The following TENM2 variants were observed in gnomAD, a reference collection of about 807,000 sequenced individuals.
The protein encoded by TENM2 is teneurin-2.
A neutral mutation model predicts 245.2 loss-of-function variants in TENM2; 52 were observed. That is an observed-to-expected ratio of 0.21 (90% CI 0.17 to 0.27). The LOEUF is 0.27. Among genes scored for constraint, TENM2 ranks in the 10% least tolerant of loss-of-function variants. The pLI, the probability that TENM2 is intolerant of heterozygous loss-of-function variation, is 1.00. For missense variants in TENM2, 3,046 were observed against 3,666.8 expected (o/e 0.83, Z 4.37); for synonymous variants, 1,363 against 1,438.9 (o/e 0.95, Z 1.19).
intron 3 of TENM2, among the ~76,000 whole-genome samples, chr5:167,905,920 A>G (rs1052502461): frequency 6.6e-6 from 1 of 152,234 alleles, no homozygotes; most frequent in African/African-American, 2.4e-5. Context: ...AACATTAAGC[A>G]TAATTAGTGT....
At chr5:167,371,756 G>A (rs1347268625) in intron 1 of TENM2, among the ~76,000 whole-genome samples, 2 of 152,236 alleles carry the variant, frequency 1.3e-5, no homozygotes, top group East Asian at 3.9e-4. Context: ...GACTGTAAAT[G>A]TCATGGACTA....
At chr5:168,165,111 G>A (rs1288563516) in intron 13 of TENM2, 1 of 152,192 alleles carries the variant, frequency 6.6e-6, no homozygotes, top group Non-Finnish European at 1.5e-5. Flanking sequence ...ACTGATAGGA[G>A]TACACAATCA....
the TENM2 span, among the ~76,000 whole-genome samples, chr5:167,276,356 G>A: frequency 8.2e-3 from 119 of 14,488 alleles, 1 homozygote; most frequent in Admixed American, 0.04. Context: ...TTCATTTTGT[G>A]TGTGTGTGTG....
chr5:167,763,939 A>T (rs1458975501), intron 2 of TENM2, among the ~76,000 whole-genome samples: 1 of 151,936 alleles, frequency 6.6e-6, no homozygotes, highest in African/African-American at 2.4e-5. Flanking sequence ...ACTGACAAGC[A>T]ACTTATTACT....
Position 167,664,834 on chromosome 5 carries a change from C to A in TENM2, c.503-211152C>A, listed in dbSNP as rs569373216. 3.3e-5 allele frequency among the ~76,000 whole-genome samples: 5 copies of A among 152,228 alleles called. 1 individual carries two copies. In the South Asian group the frequency reaches 1.0e-3, roughly 32 times the overall value. ...TGATATTGTCCTCAAAGGGGGCATC[C>A]CTAACTGGGAAAGATCTATCATCCA... On this transcript the variant is annotated intron_variant, in intron 2 of 28. Coordinates refer to ENST00000518659, the Ensembl canonical transcript of TENM2.
chr5:167,978,224 A>G (rs902223619), intron 4 of TENM2, among the ~76,000 whole-genome samples: 4 of 152,206 alleles, frequency 2.6e-5, no homozygotes, highest in African/African-American at 9.6e-5. Flanking sequence ...AGCAACACAA[A>G]GTGTACTGAG....
intron 3 of TENM2, among the ~76,000 whole-genome samples, chr5:167,912,356 G>T (rs1241352987): frequency 6.6e-6 from 1 of 152,194 alleles, no homozygotes; most frequent in Non-Finnish European, 1.5e-5. Flanking sequence ...GTATTCTGTT[G>T]TGTATATATG....
Position 168,107,281 on chromosome 5 carries a change from C to T in TENM2, c.1813+9154C>T, listed in dbSNP as rs544627711. 1.1e-4 allele frequency among the ~76,000 whole-genome samples: 17 copies of T among 152,216 alleles called. No homozygotes were observed. In the South Asian group the frequency reaches 3.1e-3, roughly 28 times the overall value. On this transcript the variant is annotated intron_variant, in intron 9 of 28. Coordinates refer to ENST00000518659, the Ensembl canonical transcript of TENM2. ...TGTGGGAGCCACTGCCCTGCTCACT[C>T]GGCTACCAACCTCTCCATGATGGTA...
the TENM2 span, among the ~76,000 whole-genome samples, chr5:167,001,248 T>TA: frequency 1.6e-3 from 250 of 152,298 alleles, no homozygotes; most frequent in African/African-American, 5.7e-3. Flanking sequence ...TGGTTAAAAC[T>TA]ACTGAGGTTT....
At chr5:168,229,072 AT>A (rs1421149735) in intron 25 of TENM2, among the ~76,000 whole-genome samples, 3 of 148,566 alleles carry the variant, frequency 2.0e-5, no homozygotes, top group Non-Finnish European at 3.0e-5. Context: ...GTATAATTAT[AT>A]GTATAATTAT....
chr5:168,230,392 C>T lies in TENM2; in HGVS notation c.5520+2262C>T, dbSNP rs187136767. On this transcript the variant is annotated intron_variant, in intron 25 of 28. Transcript: ENST00000518659. Reference sequence around the variant, plus strand: ...GCATCTCATTTATTTTAATTCAGTTCGTAAACTGTTTAGTGAATGAAATGA... The same window carrying T: ...GCATCTCATTTATTTTAATTCAGTTTGTAAACTGTTTAGTGAATGAAATGA... 3.9e-5 allele frequency among the ~76,000 whole-genome samples: 6 copies of T among 152,248 alleles called. No homozygotes were observed. The East Asian group carries it at 1.2e-3, about 29-fold the overall frequency.
At chr5:168,211,800 G>T in intron 20 of TENM2, 46 bp downstream of exon 22, 1 of 1,227,274 alleles carries the variant, frequency 8.1e-7, no homozygotes, top group Non-Finnish European at 1.1e-6. Context: ...TGGTTCGTTT[G>T]CTTCCTTGTG....
chr5:168,102,319 C>T (rs1284354433), intron 9 of TENM2, among the ~76,000 whole-genome samples: 10 of 152,240 alleles, frequency 6.6e-5, no homozygotes, highest in East Asian at 3.9e-4. Flanking sequence ...GTGATCCACC[C>T]GCCTCAGCCT....
At chr5:168,003,800 A>G (rs1216504832) in intron 5 of TENM2, among the ~76,000 whole-genome samples, 1 of 152,228 alleles carries the variant, frequency 6.6e-6, no homozygotes, top group Non-Finnish European at 1.5e-5. Flanking sequence ...AAGGAAATTG[A>G]GTTTATAGAC....
chr5:167,168,980 C>G, the TENM2 span, among the ~76,000 whole-genome samples: 1 of 152,070 alleles, frequency 6.6e-6, no homozygotes, highest in African/African-American at 2.4e-5. Flanking sequence ...AGGATGGTCT[C>G]GATCTCCTGA....
chr5:167,166,204 C>G, the TENM2 span, among the ~76,000 whole-genome samples: 1 of 152,172 alleles, frequency 6.6e-6, no homozygotes, highest in Non-Finnish European at 1.5e-5. Context: ...TTGTTCAGCA[C>G]ACATACACAT....
chr5:167,556,664 T>C (rs1773280447), intron 2 of TENM2, among the ~76,000 whole-genome samples: 1 of 152,100 alleles, frequency 6.6e-6, no homozygotes, highest in Non-Finnish European at 1.5e-5. Context: ...AGTAGGTCAG[T>C]GGACTTTTCT....
At chr5:167,820,461 T>G (rs1448388837) in intron 2 of TENM2, among the ~76,000 whole-genome samples, 3 of 151,930 alleles carry the variant, frequency 2.0e-5, no homozygotes, top group Non-Finnish European at 4.4e-5. Flanking sequence ...TTTTATTGAG[T>G]GGTACTTTTG....
chr5:167,826,415 G>T (rs1272250535), intron 2 of TENM2, among the ~76,000 whole-genome samples: 1 of 152,088 alleles, frequency 6.6e-6, no homozygotes, highest in Non-Finnish European at 1.5e-5. Context: ...CAAAAAGCCA[G>T]CACTTTCTTC....
Sources: gnomAD v4.1 joint callset for allele counts (sites outside exome capture counted in the v4.1 genomes callset) on GRCh38, gnomAD v4.1.1 for gene constraint, MANE v1.5 for transcripts, NCBI Gene and HGNC (gene_info 2026-07-23, HGNC 2026-07-21) for gene names.